ARHGEF3: variants seen among roughly 807,000 people sequenced by gnomAD.
ARHGEF3 encodes the protein 59.8 kDA protein.
ARHGEF3 carries 28 observed loss-of-function variants against 63.2 expected under a neutral mutation model. The observed-to-expected ratio is 0.44, with a 90% CI of 0.33 to 0.61. The LOEUF is 0.61. Ranked by LOEUF, ARHGEF3 falls within the 20% of genes least tolerant of loss-of-function variation. ARHGEF3 has a pLI of 0.03. For synonymous variants in ARHGEF3, 266 were observed against 254.2 expected (o/e 1.05, Z -0.44); for missense variants, 533 against 659.3 (o/e 0.81, Z 2.10).
chr3:56,940,336 T>C (rs567477229), intron 3 of ARHGEF3, among the ~76,000 whole-genome samples: 6 of 152,208 alleles, frequency 3.9e-5, no homozygotes, highest in Non-Finnish European at 8.8e-5. Flanking sequence ...TTACCCTGCA[T>C]AACTCTGGAA....
chr3:56,834,800 A>T (rs1026904203), intron 4 of ARHGEF3, among the ~76,000 whole-genome samples: 4 of 152,094 alleles, frequency 2.6e-5, no homozygotes, highest in Non-Finnish European at 5.9e-5. Flanking sequence ...ATGAACAGGA[A>T]CAATGCTGAT....
intron 1 of ARHGEF3, among the ~76,000 whole-genome samples, chr3:57,064,309 T>TTTTTTTTTTCTTTC (rs1162735172): frequency 6.7e-6 from 1 of 148,936 alleles, no homozygotes; most frequent in Non-Finnish European, 1.5e-5. Context: ...AAATTCTTTC[T>TTTTTTTTTTCTTTC]TTTTTTTTTC....
chr3:57,062,214 C>G (rs1705259287), intron 1 of ARHGEF3, among the ~76,000 whole-genome samples: 1 of 152,214 alleles, frequency 6.6e-6, no homozygotes, highest in African/African-American at 2.4e-5. Flanking sequence ...CAACCCTCCC[C>G]TCGCAGCTCC....
intron 2 of ARHGEF3, among the ~76,000 whole-genome samples, chr3:56,977,949 C>T (rs535364252): frequency 2.0e-4 from 31 of 152,152 alleles, no homozygotes; most frequent in Non-Finnish European, 3.2e-4. Context: ...GCCCCTCAGC[C>T]TCCCGTCACT....
chr3:57,014,543 A>T (rs1162575889), intron 2 of ARHGEF3, among the ~76,000 whole-genome samples: 2 of 152,252 alleles, frequency 1.3e-5, no homozygotes, highest in African/African-American at 4.8e-5. Flanking sequence ...CTCACTGATT[A>T]ACAGTATTTA....
intron 2 of ARHGEF3, among the ~76,000 whole-genome samples, chr3:57,002,498 TTATATATA>T (rs1553802543): frequency 7.4e-5 from 1 of 13,492 alleles, no homozygotes; most frequent in Admixed American, 1.1e-3. Flanking sequence ...TATATATATG[TTATATATA>T]TATATATGTT....
rs77649312 is a variant in ARHGEF3, at chr3:56,828,163, G to A, written c.192+54129C>T. On this transcript the variant is annotated intron_variant, in intron 4 of 12. Coordinates refer to the ARHGEF3 transcript ENST00000338458. ...AGATGAGGAAACTGAGACTCAGAAGGGTTAAGTGACTTGCTTATCGTGGCA... is the reference window on the plus strand; with the variant it reads ...AGATGAGGAAACTGAGACTCAGAAGAGTTAAGTGACTTGCTTATCGTGGCA... Among the ~76,000 whole-genome samples, 656 of 152,176 alleles carry A rather than the reference G, an allele frequency of 4.3e-3. 7 individuals carry two copies. The highest frequency in any genetic ancestry group is 0.015 in the African/African-American group (619 of 41,508).
chr3:57,015,590 C>T (rs1012466689), intron 2 of ARHGEF3, among the ~76,000 whole-genome samples: 8 of 149,078 alleles, frequency 5.4e-5, no homozygotes, highest in African/African-American at 1.7e-4. Context: ...GACACCACCA[C>T]GCCCTGCTAA....
Position 56,936,965 on chromosome 3 carries a change from C to T in ARHGEF3, c.129+21858G>A, listed in dbSNP as rs530863015. Among the ~76,000 whole-genome samples the T allele has an allele frequency of 2.4e-4, 37 of 152,320 alleles. No individual in the cohort carries two copies. The South Asian group carries it at 5.8e-3, about 24-fold the overall frequency. ...AACTCCTAAGCTCAAGCAATCCACC[C>T]GCCTTGACCTCCCAAAGTGCTGGGA... On this transcript the variant is annotated intron_variant, in intron 3 of 12. Coordinates refer to the ARHGEF3 transcript ENST00000338458.
chr3:56,844,523 CAAAATT>C (rs1353681078), intron 4 of ARHGEF3, among the ~76,000 whole-genome samples: 2 of 151,994 alleles, frequency 1.3e-5, no homozygotes, highest in East Asian at 1.9e-4. Flanking sequence ...TAAAATAAAA[CAAAATT>C]AAAAGGAAAA....
At chr3:56,927,603 C>A (rs115702144) in intron 3 of ARHGEF3, among the ~76,000 whole-genome samples, 1 of 152,144 alleles carries the variant, frequency 6.6e-6, no homozygotes, top group South Asian at 2.1e-4. Context: ...AGGAGGGGAG[C>A]CCCAGGATCA....
At chr3:56,761,791 G>A (rs925269020) in intron 2 of ARHGEF3, among the ~76,000 whole-genome samples, 2 of 152,092 alleles carry the variant, frequency 1.3e-5, no homozygotes, top group African/African-American at 2.4e-5. Flanking sequence ...TTTAAAACCC[G>A]GTGGTAAGGT....
At chr3:57,033,415 G>GA (rs1560149259) in intron 2 of ARHGEF3, among the ~76,000 whole-genome samples, 5 of 140,168 alleles carry the variant, frequency 3.6e-5, no homozygotes, top group Admixed American at 7.1e-5. Context: ...CTTGGCTGCA[G>GA]TAAAAAAAAA....
chr3:57,062,084 T>C (rs1184978228), intron 1 of ARHGEF3, among the ~76,000 whole-genome samples: 7 of 152,142 alleles, frequency 4.6e-5, no homozygotes, highest in African/African-American at 9.7e-5. Flanking sequence ...GGATTGGATC[T>C]GTCTAGACTC....
chr3:56,747,020 G>T (rs2034426536), intron 6 of ARHGEF3, among the ~76,000 whole-genome samples: 1 of 151,424 alleles, frequency 6.6e-6, no homozygotes, highest in Non-Finnish European at 1.5e-5. Flanking sequence ...ATTATTATTT[G>T]AAAGTAATGA....
At chr3:56,741,222 G>C (rs959827617) in intron 7 of ARHGEF3, among the ~76,000 whole-genome samples, 11 of 109,772 alleles carry the variant, frequency 1.0e-4, no homozygotes, top group African/African-American at 4.1e-4. Flanking sequence ...TTTCGCTCTT[G>C]TTGCCCAGGC....
intron 1 of ARHGEF3, among the ~76,000 whole-genome samples, chr3:57,066,509 C>T (rs933213262): frequency 6.6e-6 from 1 of 152,178 alleles, no homozygotes; most frequent in East Asian, 1.9e-4. Context: ...GTGATCCATC[C>T]GCCTCGGCCT....
intron 4 of ARHGEF3, among the ~76,000 whole-genome samples, chr3:56,820,988 T>C (rs1216436358): frequency 2.4e-5 from 3 of 127,534 alleles, no homozygotes; most frequent in Non-Finnish European, 4.9e-5. Flanking sequence ...ACTCCACCTC[T>C]ACAAAAAAAA....
intron 2 of ARHGEF3, among the ~76,000 whole-genome samples, chr3:56,964,048 T>G (rs1344661014): frequency 6.6e-6 from 1 of 152,078 alleles, no homozygotes; most frequent in Admixed American, 6.6e-5. Context: ...CCTCATAAAT[T>G]ACGGGAAAAA....
Sources: allele counts gnomAD v4.1 joint callset (sites outside exome capture counted in the v4.1 genomes callset), GRCh38; gene constraint gnomAD v4.1.1; transcripts MANE v1.5; gene names NCBI Gene and HGNC (gene_info 2026-07-23, HGNC 2026-07-21).